Variants in CDH13 observed in about 807,000 individuals in gnomAD.
CDH13 encodes cadherin 13, also known as cadherin-13.
CDH13 carries 24 observed loss-of-function variants against 63.8 expected under a neutral mutation model. The observed-to-expected ratio is 0.38, with a 90% confidence interval of 0.27 to 0.53. The LOEUF is 0.53. Among genes scored for constraint, CDH13 ranks in the 20% least tolerant of loss-of-function variants. The pLI is 0.85. For synonymous variants in CDH13, 503 were observed against 355.3 expected (o/e 1.42, Z -4.67); for missense variants, 1,049 against 903.1 (o/e 1.16, Z -2.07).
At chr16:83,666,778 CT>C (rs1369527576) in intron 8 of CDH13, among the ~76,000 whole-genome samples, 2 of 152,154 alleles carry the variant, frequency 1.3e-5, no homozygotes, top group Non-Finnish European at 2.9e-5. Flanking sequence ...GAATTTTTCC[CT>C]GATGATCCTC....
chr16:82,879,163 T>C (rs1385316745), intron 2 of CDH13, among the ~76,000 whole-genome samples: 4 of 152,134 alleles, frequency 2.6e-5, no homozygotes, highest in Non-Finnish European at 5.9e-5. Flanking sequence ...CCTCATAGTA[T>C]TGGTGGCAGG....
intron 5 of CDH13, among the ~76,000 whole-genome samples, chr16:83,288,074 T>G (rs777534205): frequency 1.3e-5 from 2 of 152,238 alleles, no homozygotes; most frequent in Non-Finnish European, 2.9e-5. Context: ...ATTTAAAATT[T>G]TTAGGTAGTG....
intron 1 of CDH13, among the ~76,000 whole-genome samples, chr16:82,724,020 A>G (rs1046513972): frequency 6.6e-6 from 1 of 152,184 alleles, no homozygotes; most frequent in Non-Finnish European, 1.5e-5. Flanking sequence ...AGTTTTGAAA[A>G]TGAACAACTT....
chr16:83,724,110 T>C (rs1399997052), intron 10 of CDH13, among the ~76,000 whole-genome samples: 125 of 99,298 alleles, frequency 1.3e-3, no homozygotes, highest in Middle Eastern at 0.011. Context: ...GTGATGAATG[T>C]ATGGGTGAGT....
intron 1 of CDH13, among the ~76,000 whole-genome samples, chr16:82,633,718 G>A (rs902328412): frequency 3.3e-5 from 5 of 152,168 alleles, no homozygotes; most frequent in Non-Finnish European, 5.9e-5. Flanking sequence ...TCCTAGCACC[G>A]TCCTGGAGCT....
chr16:82,792,806 GC>G (rs374939150), intron 1 of CDH13, among the ~76,000 whole-genome samples: 8 of 152,202 alleles, frequency 5.3e-5, no homozygotes, highest in South Asian at 2.1e-4. Flanking sequence ...ATCACCCAAT[GC>G]CCAACTGCAT....
chr16:82,945,049 A>T (rs1904548140), intron 2 of CDH13, among the ~76,000 whole-genome samples: 1 of 152,230 alleles, frequency 6.6e-6, no homozygotes, highest in South Asian at 2.1e-4. Context: ...CTGAGAGCCA[A>T]AACAAAAATA....
chr16:82,966,859 A>G (rs1465485135), intron 2 of CDH13, among the ~76,000 whole-genome samples: 1 of 152,212 alleles, frequency 6.6e-6, no homozygotes, highest in Non-Finnish European at 1.5e-5. Flanking sequence ...AGAATCACAG[A>G]ACAATGATCA....
chr16:83,080,012 C>G, intron 3 of CDH13, among the ~76,000 whole-genome samples: 1 of 152,314 alleles, frequency 6.6e-6, no homozygotes, highest in Non-Finnish European at 1.5e-5. Flanking sequence ...ATAAAAATGA[C>G]ATATCTGTCT....
At chr16:82,884,137 A>C in intron 2 of CDH13, 1 of 454,358 alleles carries the variant, frequency 2.2e-6, no homozygotes, top group Non-Finnish European at 4.4e-6. Context: ...GCATGTCTGC[A>C]TGCACGCTGT....
chr16:82,804,650 G>C (rs975384873), intron 1 of CDH13, among the ~76,000 whole-genome samples: 1 of 152,114 alleles, frequency 6.6e-6, no homozygotes, highest in African/African-American at 2.4e-5. Flanking sequence ...GACACTGTAT[G>C]TATGAAACAC....
intron 5 of CDH13, among the ~76,000 whole-genome samples, chr16:83,321,073 A>G (rs1358680873): frequency 6.6e-6 from 1 of 152,266 alleles, no homozygotes; most frequent in Non-Finnish European, 1.5e-5. Flanking sequence ...GAGTTCATTG[A>G]TGAAGTATGG....
chr16:83,321,705 T>C (rs1048458884), intron 5 of CDH13, among the ~76,000 whole-genome samples: 2 of 152,066 alleles, frequency 1.3e-5, no homozygotes, highest in South Asian at 2.1e-4. Context: ...ATTTTTTGTA[T>C]TTTTAGTAGA....
At chr16:83,584,067 C>T (rs922318516) in intron 7 of CDH13, among the ~76,000 whole-genome samples, 7 of 152,134 alleles carry the variant, frequency 4.6e-5, no homozygotes, top group East Asian at 1.9e-4. Flanking sequence ...CGGTGGCTCA[C>T]GCCTGTAATC....
intron 4 of CDH13, among the ~76,000 whole-genome samples, chr16:83,135,402 C>A (rs16959349): frequency 0.025 from 3,875 of 152,254 alleles, 161 homozygotes; most frequent in African/African-American, 0.087. Context: ...TCATTTGACT[C>A]TCATAAGTAC....
chr16:83,783,592 C>G, intron 13 of CDH13, 120 bp downstream of exon 13: 1 of 811,796 alleles, frequency 1.2e-6, no homozygotes, highest in South Asian at 1.4e-5. Context: ...AATCATTCAT[C>G]TTTAGTGTAT....
At chr16:82,922,595 C>G (rs138251291) in intron 2 of CDH13, among the ~76,000 whole-genome samples, 3 of 152,176 alleles carry the variant, frequency 2.0e-5, no homozygotes, top group African/African-American at 7.2e-5. Context: ...GCCTTCAAAA[C>G]TCAGGATCTT....
At chr16:83,341,877 A>T (rs1337512900) in intron 5 of CDH13, among the ~76,000 whole-genome samples, 2 of 152,052 alleles carry the variant, frequency 1.3e-5, no homozygotes. Context: ...ATCATTTTCC[A>T]TGTGTTTTGT....
At chr16:83,128,810 G>A (rs1350448307) in intron 4 of CDH13, among the ~76,000 whole-genome samples, 1 of 152,146 alleles carries the variant, frequency 6.6e-6, no homozygotes, top group Non-Finnish European at 1.5e-5. Context: ...TTTGCAAGCT[G>A]AGGACTCACT....
Sources: gnomAD v4.1 joint callset for allele counts (sites outside exome capture counted in the v4.1 genomes callset) on GRCh38, gnomAD v4.1.1 for gene constraint, MANE v1.5 for transcripts, NCBI Gene and HGNC (gene_info 2026-07-23, HGNC 2026-07-21) for gene names.